The following G6PC1 variants were observed in gnomAD, a reference collection of about 807,000 sequenced individuals.
G6PC1 encodes the protein glucose-6-phosphatase catalytic subunit 1, also known as G-6-Pase.
A neutral mutation model predicts 30.4 loss-of-function variants in G6PC1; 23 were observed. That is an observed-to-expected ratio of 0.76 (90% CI 0.55 to 1.07). The LOEUF (loss-of-function observed/expected upper bound fraction) is 1.07. G6PC1 is among the 50% of genes least tolerant of loss of function. The pLI, the probability that G6PC1 is intolerant of heterozygous loss-of-function variation, is 0.00. For missense variants in G6PC1, 391 were observed against 433.9 expected (o/e 0.90, Z 0.88); for synonymous variants, 163 against 175.6 (o/e 0.93, Z 0.57).
Position 42,913,221 on chromosome 17 carries a change from A to G in G6PC1, c.*1795A>G, listed in dbSNP as rs367885331. On this transcript the variant is annotated 3_prime_UTR_variant, in exon 5 of 5. Coordinates refer to ENST00000253801, the MANE Select transcript of G6PC1 (RefSeq NM_000151.4). ...AGTCCTTGTTTTTGCTACTAATTAT[A>G]TAGTATACCATACATTATCATTCAA... 2 of 152,308 alleles carry G rather than the reference A, an allele frequency of 1.3e-5. No homozygotes were observed. The highest frequency in any genetic ancestry group is 2.1e-4 in the South Asian group (1 of 4,828). 9.4% of individuals were successfully genotyped at this position (152,308 alleles called of 1,614,324 possible). A position where few individuals can be genotyped will look rare whatever the true frequency, so the allele number is the denominator to read the frequency against.
chr17:42,904,093 TA>T (rs2056044308), intron 2 of G6PC1, 53 bp downstream of exon 2: 1 of 1,233,410 alleles, frequency 8.1e-7, no homozygotes, highest in South Asian at 1.2e-5. Flanking sequence ...GTTTACCTGT[TA>T]TGGATGAAAC....
intron 1 of G6PC1, among the ~76,000 whole-genome samples, chr17:42,903,080 ATT>A (rs1260008776): frequency 1.3e-4 from 17 of 126,608 alleles, no homozygotes; most frequent in Middle Eastern, 4.8e-3. Flanking sequence ...GGATTTCAGG[ATT>A]TTTTTTTTTT....
rs1057516630 is a variant in G6PC1 at position 42,909,354 on chromosome 17, C to CT, written c.499dup (p.Cys167LeufsTer37). ...GATTCTGGGCTGTGCAGCTGAATGT[C>CT]TGTCTGTCACGAATCTACCTTGCTG... On this transcript the variant is annotated frameshift_variant, in exon 4 of 5. Transcript: ENST00000253801. LOFTEE classifies it high-confidence loss of function. 1 of 1,614,146 alleles carries CT rather than the reference C, an allele frequency of 6.2e-7. No homozygotes were observed. Among genetic ancestry groups the CT allele is most frequent in the Non-Finnish European group, 8.5e-7 (1 of 1,180,022 alleles).
Position 42,911,530 on chromosome 17 carries a change from C to T in G6PC1, c.*104C>T, listed in dbSNP as rs1464728696. ...CTGGTATTTGGAGCAAGTGACATGCCATCCATTCTGCCGTCGTGGAATTAA... is the reference window on the plus strand; with the variant it reads ...CTGGTATTTGGAGCAAGTGACATGCTATCCATTCTGCCGTCGTGGAATTAA... On this transcript the variant is annotated 3_prime_UTR_variant, in exon 5 of 5. Transcript: ENST00000253801. The T allele has an allele frequency of 1.4e-5, 21 of 1,539,558 alleles. No individual in the cohort carries two copies. Among genetic ancestry groups the T allele is most frequent in the Non-Finnish European group, 3.6e-6 (4 of 1,122,862 alleles).
At chr17:42,901,502 C>T (rs2056025880) in intron 1 of G6PC1, among the ~76,000 whole-genome samples, 1 of 151,982 alleles carries the variant, frequency 6.6e-6, no homozygotes. Context: ...CGAATCACTC[C>T]TGGGTGAACT....
chr17:42,904,261 G>A (rs552960745), intron 2 of G6PC1: 10 of 520,788 alleles, frequency 1.9e-5, no homozygotes, highest in East Asian at 7.5e-5. Context: ...AGAGAGGCAC[G>A]GGCATCCATG....
chr17:42,908,848 C>T (rs959975091), intron 3 of G6PC1, among the ~76,000 whole-genome samples: 9 of 151,612 alleles, frequency 5.9e-5, no homozygotes, highest in East Asian at 3.9e-4. Context: ...GGATTACAGG[C>T]GTGAGCCACC....
In G6PC1 at chr17:42,912,443, G is replaced by A. The variant is rs2056102022; in HGVS notation, c.*1017G>A. 1 of 152,354 alleles carries A rather than the reference G, an allele frequency of 6.6e-6. No individual in the cohort carries two copies. The highest frequency in any genetic ancestry group is 1.5e-5 in the Non-Finnish European group (1 of 68,046). The allele number at this position is 152,354 out of a possible 1,614,324, so 9.4% of individuals were successfully genotyped here. On this transcript the variant is annotated 3_prime_UTR_variant, in exon 5 of 5. Transcript: ENST00000253801. Reference sequence around the variant, plus strand: ...CCCACTGGATCTTCAGAAGGCTAGAGGGCGACTCTGGTGGTGCTTTTGTAT... The same window carrying A: ...CCCACTGGATCTTCAGAAGGCTAGAAGGCGACTCTGGTGGTGCTTTTGTAT...
At position 42,912,101 on chromosome 17, in the gene G6PC1, G is replaced by C. The variant is rs964935345; in HGVS notation, c.*675G>C. ...CTGCCTAAGGAGGAGTTTTTAGTAT[G>C]TGGCGTATCATGCAAGTGCTATGCC... is the stretch of plus-strand genomic sequence containing the variant. On this transcript the variant is annotated 3_prime_UTR_variant, in exon 5 of 5. Coordinates refer to ENST00000253801, the MANE Select transcript of G6PC1 (RefSeq NM_000151.4). The C allele has an allele frequency of 6.5e-6, 1 of 154,572 alleles. No individual in the cohort carries two copies. The highest frequency in any genetic ancestry group is 1.4e-5 in the Non-Finnish European group (1 of 69,742). The allele number at this position is 154,572 out of a possible 1,614,324, so 9.6% of individuals were successfully genotyped here.
chr17:42,910,800 T>A (rs2056090026), intron 4 of G6PC1, 115 bp from the exon 5 acceptor site: 4 of 1,011,770 alleles, frequency 4.0e-6, no homozygotes, highest in Non-Finnish European at 6.2e-6. Flanking sequence ...CTGCCATCTG[T>A]GATTTAATTC....
At chr17:42,907,679 C>G in intron 3 of G6PC1, 51 bp downstream of exon 3, 1 of 1,263,786 alleles carries the variant, frequency 7.9e-7, no homozygotes, top group Non-Finnish European at 1.2e-6. Flanking sequence ...AGGCAGCTCT[C>G]TCTGTAGCTG....
intron 2 of G6PC1, among the ~76,000 whole-genome samples, chr17:42,904,426 A>G (rs2056046245): frequency 6.6e-6 from 1 of 152,222 alleles, no homozygotes; most frequent in Non-Finnish European, 1.5e-5. Flanking sequence ...CTCTGTGCCT[A>G]CGTTTTATTA....
rs2056069915 is a variant in G6PC1, at chr17:42,907,603, A to G, written c.421A>G (p.Lys141Glu). The G allele has an allele frequency of 6.2e-7, 1 of 1,613,794 alleles. No individual in the cohort carries two copies. Among genetic ancestry groups the G allele is most frequent in the African/African-American group, 1.3e-5 (1 of 74,910 alleles). The part of the protein sequence containing the change: ...VTSTLSIFQG[K>E]IKPTYRFRCL... ...ATCTACTCTTTCCATCTTTCAGGGA[A>G]AGATAAAGCCGACCTACAGATTTCG... is the stretch of plus-strand genomic sequence containing the variant. Residue 141 changes from lysine (K) to glutamate (E), a missense_variant, in exon 3 of 5, where the codon AAG becomes GAG. Transcript: ENST00000253801.
chr17:42,907,550 C>A lies in G6PC1; in HGVS notation c.368C>A (p.Thr123Lys), dbSNP rs765306500. The change falls in exon 3 of 5, where the codon ACA (threonine) becomes AAA (lysine). Residue 123 changes from threonine to lysine, a missense_variant. Coordinates refer to ENST00000253801, the MANE Select transcript of G6PC1 (RefSeq NM_000151.4). ...AGCCCCTCTGGCCATGCCATGGGCA[C>A]AGCAGGTGTATACTACGTGATGGTC... The part of the protein sequence containing the change: ...PGSPSGHAMG[T>K]AGVYYVMVTS... 6.2e-7 allele frequency: 1 copy of A among 1,613,510 alleles called. No individual in the cohort carries two copies. Among genetic ancestry groups the A allele is most frequent in the Admixed American group, 1.7e-5 (1 of 60,018 alleles).
chr17:42,910,771 A>AC, intron 4 of G6PC1, 144 bp from the exon 5 acceptor site: 1 of 775,400 alleles, frequency 1.3e-6, no homozygotes, highest in South Asian at 1.5e-5. Context: ...CATGGGAATA[A>AC]GCCAGGCGAC....
In G6PC1 at chr17:42,907,591, A is replaced by G. The variant is rs1193467871; in HGVS notation, c.409A>G (p.Ile137Val). The G allele has an allele frequency of 4.3e-6, 7 of 1,613,728 alleles. No individual in the cohort carries two copies. The Admixed American group carries it at 5.0e-5, about 12-fold the overall frequency. Residue 137 changes from isoleucine to valine, a missense_variant, in exon 3 of 5, where the codon ATC becomes GTC. Transcript: ENST00000253801. ...YYVMVTSTLS[I>V]FQGKIKPTYR... ...CGTGATGGTCACATCTACTCTTTCCATCTTTCAGGGAAAGATAAAGCCGAC... is the reference window on the plus strand; with the variant it reads ...CGTGATGGTCACATCTACTCTTTCCGTCTTTCAGGGAAAGATAAAGCCGAC...
At chr17:42,908,419 T>A (rs1271710937) in intron 3 of G6PC1, among the ~76,000 whole-genome samples, 1 of 151,244 alleles carries the variant, frequency 6.6e-6, no homozygotes, top group Non-Finnish European at 1.5e-5. Context: ...TTTTTTTTTT[T>A]TTTTTGAGAC....
At chr17:42,901,927 C>A (rs1353858526) in intron 1 of G6PC1, among the ~76,000 whole-genome samples, 3 of 152,138 alleles carry the variant, frequency 2.0e-5, no homozygotes, top group Admixed American at 2.0e-4. Context: ...TAATAATAAT[C>A]AGGGTTAACA....
intron 2 of G6PC1, among the ~76,000 whole-genome samples, chr17:42,905,528 G>GAAGAA (rs2056056382): frequency 9.5e-6 from 1 of 105,530 alleles, no homozygotes; most frequent in African/African-American, 3.7e-5. Flanking sequence ...AAAAGAAGAA[G>GAAGAA]AAGAAGAAAA....
Sources: gnomAD v4.1 joint callset for allele counts (sites outside exome capture counted in the v4.1 genomes callset) on GRCh38, gnomAD v4.1.1 for gene constraint, MANE v1.5 for transcripts, NCBI Gene and HGNC (gene_info 2026-07-23, HGNC 2026-07-21) for gene names.